The following DPP6 variants were observed in gnomAD, a reference collection of about 807,000 sequenced individuals.
The protein encoded by DPP6 is A-type potassium channel modulatory protein DPP6.
In DPP6, 69 loss-of-function variants were observed where a neutral mutation model predicts 122.6. The observed-to-expected ratio is 0.56, with a 90% CI of 0.46 to 0.69. The LOEUF (loss-of-function observed/expected upper bound fraction) is 0.69. Ranked by LOEUF, DPP6 falls within the 30% of genes least tolerant of loss-of-function variation. The pLI, the probability that DPP6 is intolerant of heterozygous loss-of-function variation, is 0.00. For synonymous variants in DPP6, 418 were observed against 433.1 expected (o/e 0.97, Z 0.43); for missense variants, 928 against 1,116.9 (o/e 0.83, Z 2.41).
chr7:154,597,665 C>T (rs1267690124), intron 5 of DPP6, among the ~76,000 whole-genome samples: 1 of 151,786 alleles, frequency 6.6e-6, no homozygotes, highest in Non-Finnish European at 1.5e-5. Context: ...TAACAAAGTG[C>T]TACAGACTGG....
chr7:153,888,563 G>A (rs976858344), intron 1 of DPP6, among the ~76,000 whole-genome samples: 2 of 152,254 alleles, frequency 1.3e-5, no homozygotes, highest in African/African-American at 4.8e-5. Context: ...TCAGGGCGCT[G>A]GAGTCTCTGG....
At chr7:153,785,516 A>C in the DPP6 span, among the ~76,000 whole-genome samples, 1 of 151,842 alleles carries the variant, frequency 6.6e-6, no homozygotes, top group African/African-American at 2.4e-5. Context: ...GGTCTACTCC[A>C]TTTTTCATTT....
intron 1 of DPP6, among the ~76,000 whole-genome samples, chr7:154,064,966 C>G (rs1302530572): frequency 1.3e-5 from 2 of 152,166 alleles, no homozygotes; most frequent in Non-Finnish European, 2.9e-5. Flanking sequence ...CCTCAAATGC[C>G]TTTTCCTTAC....
At chr7:154,365,575 C>A (rs1424147655) in intron 1 of DPP6, among the ~76,000 whole-genome samples, 1 of 152,182 alleles carries the variant, frequency 6.6e-6, no homozygotes, top group African/African-American at 2.4e-5. Flanking sequence ...GCTCAGAGTC[C>A]GCCAGGTGGC....
At chr7:153,921,594 G>A (rs532060171) in intron 1 of DPP6, among the ~76,000 whole-genome samples, 43 of 152,344 alleles carry the variant, frequency 2.8e-4, no homozygotes, top group African/African-American at 9.6e-4. Flanking sequence ...CAGTGCCACT[G>A]TAAAGAGGGA....
chr7:154,359,603 T>C (rs573389397), intron 1 of DPP6, among the ~76,000 whole-genome samples: 1 of 152,312 alleles, frequency 6.6e-6, no homozygotes, highest in South Asian at 2.1e-4. Flanking sequence ...CAGGAGGTCT[T>C]GTCATTTTTT....
At chr7:154,084,968 C>T (rs1263531282) in intron 1 of DPP6, among the ~76,000 whole-genome samples, 32 of 114,032 alleles carry the variant, frequency 2.8e-4, no homozygotes, top group African/African-American at 8.7e-4. Context: ...CCAGCCTGGG[C>T]GACAGAGCGA....
At chr7:154,757,912 C>T (rs368630245) in intron 8 of DPP6, among the ~76,000 whole-genome samples, 7 of 152,274 alleles carry the variant, frequency 4.6e-5, no homozygotes, top group African/African-American at 1.7e-4. Flanking sequence ...TCAGGGAGGT[C>T]GGAGGCCAGC....
intron 5 of DPP6, among the ~76,000 whole-genome samples, chr7:154,584,420 A>G (rs1461156080): frequency 1.3e-5 from 2 of 152,196 alleles, no homozygotes; most frequent in Non-Finnish European, 2.9e-5. Flanking sequence ...TTTCCTGCCT[A>G]TGAGTCCCCG....
intron 7 of DPP6, among the ~76,000 whole-genome samples, chr7:154,690,427 T>G (rs1839868203): frequency 6.6e-6 from 1 of 152,130 alleles, no homozygotes; most frequent in South Asian, 2.1e-4. Flanking sequence ...AAGATCTGAC[T>G]TTGTAGAAAG....
intron 1 of DPP6, among the ~76,000 whole-genome samples, chr7:154,176,763 G>A (rs566448110): frequency 5.6e-4 from 86 of 152,356 alleles, no homozygotes; most frequent in South Asian, 1.7e-3. Context: ...CAGGCAGCGC[G>A]TGCCTGGGGC....
intron 1 of DPP6, among the ~76,000 whole-genome samples, chr7:154,406,445 A>ACT (rs763079522): frequency 1.4e-5 from 2 of 147,682 alleles, no homozygotes; most frequent in African/African-American, 5.0e-5. Flanking sequence ...ACACACACAC[A>ACT]CACGCACACA....
At chr7:154,689,446 T>C (rs1160428050) in intron 7 of DPP6, among the ~76,000 whole-genome samples, 1 of 152,234 alleles carries the variant, frequency 6.6e-6, no homozygotes, top group East Asian at 1.9e-4. Flanking sequence ...GGGTTTTTTT[T>C]CCTTTAATCT....
At chr7:154,874,745 C>T (rs990206473) in intron 19 of DPP6, among the ~76,000 whole-genome samples, 2 of 152,206 alleles carry the variant, frequency 1.3e-5, no homozygotes, top group Non-Finnish European at 2.9e-5. Context: ...CCTGCTGTTC[C>T]AGGGAGGCAG....
At chr7:153,785,780 G>C in the DPP6 span, among the ~76,000 whole-genome samples, 1 of 152,068 alleles carries the variant, frequency 6.6e-6, no homozygotes, top group South Asian at 2.1e-4. Flanking sequence ...AGCCTCCCTA[G>C]TACCTGGGAC....
At chr7:153,749,825 T>G in the DPP6 span, among the ~76,000 whole-genome samples, 1 of 152,200 alleles carries the variant, frequency 6.6e-6, no homozygotes, top group Non-Finnish European at 1.5e-5. The surrounding 1 kb of genome is among the most constrained non-coding windows in gnomAD (Gnocchi z 4.1). Flanking sequence ...CATGTAACAA[T>G]GAACTTTAAA....
At chr7:154,211,646 C>A (rs1799747254) in intron 1 of DPP6, among the ~76,000 whole-genome samples, 1 of 152,264 alleles carries the variant, frequency 6.6e-6, no homozygotes, top group South Asian at 2.1e-4. Flanking sequence ...TCCCAGGGCC[C>A]AATCTTTGCC....
At chr7:154,416,907 C>CA (rs1817074133) in intron 1 of DPP6, among the ~76,000 whole-genome samples, 1 of 152,140 alleles carries the variant, frequency 6.6e-6, no homozygotes, top group African/African-American at 2.4e-5. Flanking sequence ...CATTCACATG[C>CA]AAAATCTCTT....
intron 1 of DPP6, among the ~76,000 whole-genome samples, chr7:154,417,186 C>G (rs1233878144): frequency 6.6e-6 from 1 of 152,152 alleles, no homozygotes; most frequent in East Asian, 1.9e-4. Flanking sequence ...GGAACATCTC[C>G]CCACCAATTA....
Sources: allele counts gnomAD v4.1 joint callset (sites outside exome capture counted in the v4.1 genomes callset), GRCh38; gene constraint gnomAD v4.1.1; non-coding constraint Gnocchi (gnomAD v3.1); transcripts MANE v1.5; gene names NCBI Gene and HGNC (gene_info 2026-07-23, HGNC 2026-07-21).